The following LRBA variants were observed in gnomAD, a reference collection of about 807,000 sequenced individuals.
LRBA encodes the protein LPS responsive beige-like anchor protein.
In LRBA, 176 loss-of-function variants were observed where a neutral mutation model predicts 330.0. The ratio of observed to expected loss-of-function variants is 0.53; its 90% CI spans 0.47 to 0.60. The LOEUF (loss-of-function observed/expected upper bound fraction) is 0.60. Ranked by LOEUF, LRBA falls within the 20% of genes least tolerant of loss-of-function variation. The pLI, the probability that LRBA is intolerant of heterozygous loss-of-function variation, is 0.00. For missense variants in LRBA, 3,259 were observed against 3,444.8 expected, an observed-to-expected ratio of 0.95 and a Z score of 1.35; for synonymous variants, 1,230 against 1,193.0, an observed-to-expected ratio of 1.03 and a Z score of -0.64.
intron 52 of LRBA, among the ~76,000 whole-genome samples, chr4:150,307,731 T>G (rs1015876133): frequency 5.3e-5 from 8 of 152,050 alleles, no homozygotes; most frequent in Admixed American, 3.9e-4. Flanking sequence ...TCTCTTATAC[T>G]GTCTCCAACT....
intron 40 of LRBA, among the ~76,000 whole-genome samples, chr4:150,557,784 C>T (rs1342347781): frequency 3.3e-5 from 5 of 152,148 alleles, no homozygotes; most frequent in African/African-American, 9.7e-5. Context: ...ATGCTATCAA[C>T]GTGTTTTGTC....
At chr4:150,958,763 G>T (rs190402534) in intron 2 of LRBA, among the ~76,000 whole-genome samples, 1 of 148,746 alleles carries the variant, frequency 6.7e-6, no homozygotes, top group Admixed American at 6.6e-5. Context: ...GTAAACTGCC[G>T]CAAGTCTCTT....
In LRBA at chr4:150,410,230, A is replaced by T. The variant is rs577104987; in HGVS notation, c.7194+5208T>A. On this transcript the variant is annotated intron_variant, in intron 47 of 56. Transcript: ENST00000651943. ...GTAAATTTTCCATTCAGAGAAAAAA[A>T]TTATACAAGATTGACCTAATTCATT... Among the ~76,000 whole-genome samples, 7 of 152,236 alleles carry T rather than the reference A, an allele frequency of 4.6e-5. No individual in the cohort carries two copies. The South Asian group carries it at 1.5e-3, about 32-fold the overall frequency.
chr4:150,465,411 T>G (rs565161100), intron 44 of LRBA, among the ~76,000 whole-genome samples: 5 of 152,140 alleles, frequency 3.3e-5, no homozygotes, highest in African/African-American at 1.2e-4. Context: ...TTCAATTCTT[T>G]TTAATTTTTT....
chr4:150,930,077 G>A (rs1013078891), intron 2 of LRBA, among the ~76,000 whole-genome samples: 1 of 152,152 alleles, frequency 6.6e-6, no homozygotes, highest in Non-Finnish European at 1.5e-5. Context: ...CACTTTGGGA[G>A]ACCGAGGCAG....
intron 2 of LRBA, among the ~76,000 whole-genome samples, chr4:150,981,433 AT>A (rs1740825367): frequency 1.4e-5 from 2 of 147,772 alleles, no homozygotes; most frequent in African/African-American, 5.0e-5. Flanking sequence ...AAAAAAAATT[AT>A]AAAATTTATA....
rs1212252752 is a variant in LRBA at position 150,639,736 on chromosome 4, AATATATATATATATATAT to A, written c.5922-40623_5922-40606del. ...GAAGATAATCTGAGCCTATGCCCCA[AATATATATATATATATAT>A]ATATATATATATATATATATATATA... is the stretch of plus-strand genomic sequence containing the variant. On this transcript the variant is annotated intron_variant, in intron 37 of 56. Transcript: ENST00000651943. Among the ~76,000 whole-genome samples, 156 of 51,140 alleles carry A rather than the reference AATATATATATATATATAT, an allele frequency of 3.1e-3. 5 individuals carry two copies. Among genetic ancestry groups the A allele is most frequent in the African/African-American group, 0.012 (147 of 11,996 alleles). The allele number at this position is 51,140 out of a possible 152,430, so 33.5% of individuals were successfully genotyped here.
chr4:150,466,639 A>G (rs1038391341), intron 44 of LRBA, among the ~76,000 whole-genome samples: 4 of 152,126 alleles, frequency 2.6e-5, no homozygotes, highest in Non-Finnish European at 2.9e-5. Context: ...AGCAACAAAA[A>G]GTCTCCAGGT....
intron 34 of LRBA, among the ~76,000 whole-genome samples, chr4:150,789,770 T>C (rs1172012305): frequency 6.6e-6 from 1 of 152,132 alleles, no homozygotes; most frequent in Non-Finnish European, 1.5e-5. Context: ...TTAACTTCAG[T>C]AGATTGATTA....
intron 40 of LRBA, chr4:150,579,653 G>A (rs764706089): frequency 1.7e-4 from 78 of 456,728 alleles, no homozygotes; most frequent in Non-Finnish European, 5.3e-5. Context: ...GAGCTTGACA[G>A]AGCCGCCAGT....
At chr4:150,666,308 G>A (rs976857032) in intron 37 of LRBA, among the ~76,000 whole-genome samples, 6 of 152,064 alleles carry the variant, frequency 3.9e-5, no homozygotes, top group East Asian at 3.9e-4. Flanking sequence ...TGAGGCAGGC[G>A]GTTCACTTGA....
chr4:150,891,824 C>A (rs1232929599), intron 17 of LRBA, among the ~76,000 whole-genome samples: 1 of 152,116 alleles, frequency 6.6e-6, no homozygotes, highest in Non-Finnish European at 1.5e-5. Context: ...AGAGAATGAA[C>A]ATTAAAAAAT....
intron 2 of LRBA, among the ~76,000 whole-genome samples, chr4:150,969,740 G>T (rs1739309006): frequency 6.6e-6 from 1 of 152,190 alleles, no homozygotes; most frequent in Admixed American, 6.5e-5. Flanking sequence ...AAAGTGCTGA[G>T]ATTACAGGCG....
intron 44 of LRBA, among the ~76,000 whole-genome samples, chr4:150,445,475 C>T (rs1752516099): frequency 6.9e-6 from 1 of 144,154 alleles, no homozygotes; most frequent in Non-Finnish European, 1.5e-5. Flanking sequence ...AAACTGTGTG[C>T]TTATTGTTTA....
Position 150,872,719 on chromosome 4 carries a change from T to G in LRBA, c.2202A>C (p.Gly734=). 1 of 1,607,282 alleles carries G rather than the reference T, an allele frequency of 6.2e-7. No homozygotes were observed. The highest frequency in any genetic ancestry group is 8.5e-7 in the Non-Finnish European group (1 of 1,176,652). ...IYKLLASKSE[G]IRVQALKAMG... is the part of the protein sequence containing the mutation. ...TTGCCTTAAGAGCTTGTACCCTGAT[T>G]CCTTCACTTTTCGATGCCAGAAGTT... Residue 734 remains glycine (G), a synonymous_variant, in exon 18 of 57, where the codon GGA becomes GGC. Coordinates refer to ENST00000651943, the MANE Select transcript of LRBA (RefSeq NM_001364905.1).
At chr4:150,748,910 C>A (rs550953052) in intron 35 of LRBA, among the ~76,000 whole-genome samples, 1 of 152,222 alleles carries the variant, frequency 6.6e-6, no homozygotes, top group East Asian at 1.9e-4. Context: ...GGTGAAGACA[C>A]AGTGCTCAAA....
At chr4:150,363,051 A>G (rs1561069259) in intron 47 of LRBA, among the ~76,000 whole-genome samples, 1 of 152,204 alleles carries the variant, frequency 6.6e-6, no homozygotes. Context: ...GGATCACTTG[A>G]GCCTGAGCAG....
At chr4:150,634,539 A>G (rs1271315001) in intron 37 of LRBA, among the ~76,000 whole-genome samples, 1 of 152,248 alleles carries the variant, frequency 6.6e-6, no homozygotes, top group African/African-American at 2.4e-5. Context: ...AGGGATGAAG[A>G]AGGTAACTAT....
intron 34 of LRBA, among the ~76,000 whole-genome samples, chr4:150,768,320 G>T (rs1022988042): frequency 2.0e-5 from 3 of 152,076 alleles, no homozygotes; most frequent in Non-Finnish European, 2.9e-5. Context: ...AAAAACTCCA[G>T]AAAAGCTAGG....
Sources: allele counts gnomAD v4.1 joint callset (sites outside exome capture counted in the v4.1 genomes callset), GRCh38; gene constraint gnomAD v4.1.1; transcripts MANE v1.5; gene names NCBI Gene and HGNC (gene_info 2026-07-23, HGNC 2026-07-21).